Variants in GALNT11 observed in about 807,000 individuals in gnomAD.
GALNT11 encodes UDP-GalNAc:polypeptide N-acetylgalactosaminyltransferase 11.
Under a neutral mutation model 72.7 loss-of-function variants are expected in GALNT11, and 47 were observed. That is an observed-to-expected ratio of 0.65 (90% CI 0.51 to 0.82). The LOEUF is 0.82. Ranked by LOEUF, GALNT11 falls within the 40% of genes least tolerant of loss-of-function variation. The pLI is 0.00. For missense variants in GALNT11, 677 were observed against 778.4 expected, an observed-to-expected ratio of 0.87 and a Z score of 1.55; for synonymous variants, 270 against 286.6, an observed-to-expected ratio of 0.94 and a Z score of 0.58.
chr7:152,094,423 G>A lies in GALNT11; in HGVS notation c.196G>A (p.Val66Met). 1 of 1,614,164 alleles carries A rather than the reference G, an allele frequency of 6.2e-7. No homozygotes were observed. The highest frequency in any genetic ancestry group is 1.3e-5 in the African/African-American group (1 of 75,044). ...CCGTTTCACTCGAGGCCCAAGTCGA[G>A]TGCTCGAGCCACAGTTCAAAGCAAA... ...YPRFTRGPSR[V>M]LEPQFKANKI... Residue 66 changes from valine to methionine, a missense_variant, in exon 2 of 12, where the codon GTG becomes ATG. Coordinates refer to ENST00000430044, the MANE Select transcript of GALNT11 (RefSeq NM_022087.4). This position sits in a 1 kb window ranked among gnomAD's most constrained non-coding sequence, Gnocchi z 4.3.
intron 1 of GALNT11, among the ~76,000 whole-genome samples, chr7:152,086,508 C>T (rs1348480205): frequency 6.6e-6 from 1 of 152,126 alleles, no homozygotes; most frequent in African/African-American, 2.4e-5. Flanking sequence ...AAAAGAATAA[C>T]ATCTGCCTGA....
intron 1 of GALNT11, among the ~76,000 whole-genome samples, chr7:152,080,978 C>T (rs1337713167): frequency 6.6e-6 from 1 of 151,984 alleles, no homozygotes; most frequent in East Asian, 1.9e-4. Context: ...TTCAGAAAAA[C>T]CAAAAAACAA....
At position 152,086,773 on chromosome 7, in the gene GALNT11, G is replaced by GT. The variant is rs1487310255; in HGVS notation, c.-38-7416dup. Among the ~76,000 whole-genome samples, 7 of 152,312 alleles carry GT rather than the reference G, an allele frequency of 4.6e-5. No individual in the cohort carries two copies. In the East Asian group the frequency reaches 1.3e-3, roughly 29 times the overall value. ...TTATTTGTTGTTGTCAGTGAATTCT[G>GT]TAAGATTAGTCTGCCTGTTTTTATC... On this transcript the variant is annotated intron_variant, in intron 1 of 11. Transcript: ENST00000430044.
intron 3 of GALNT11, among the ~76,000 whole-genome samples, chr7:152,102,779 C>T (rs1056496908): frequency 1.3e-5 from 2 of 151,984 alleles, no homozygotes; most frequent in African/African-American, 4.8e-5. Flanking sequence ...GTCAGGAGTT[C>T]GAGACCAGCT....
intron 1 of GALNT11, among the ~76,000 whole-genome samples, chr7:152,047,251 A>G (rs1178088149): frequency 2.0e-5 from 3 of 152,094 alleles, no homozygotes; most frequent in Non-Finnish European, 4.4e-5. Context: ...CTGGGGGATC[A>G]TTTGAGGTCA....
intron 6 of GALNT11, 80 bp from the exon 7 acceptor site, chr7:152,110,448 G>T: frequency 1.1e-6 from 1 of 941,506 alleles, no homozygotes; most frequent in South Asian, 1.4e-5. Flanking sequence ...GTTCCAAAAT[G>T]ACACTGAGTA....
chr7:152,080,542 T>C (rs1417138954), intron 1 of GALNT11, among the ~76,000 whole-genome samples: 1 of 152,188 alleles, frequency 6.6e-6, no homozygotes, highest in African/African-American at 2.4e-5. Context: ...TGTAGAAAGA[T>C]GAAAATAAGT....
chr7:152,113,259 G>A lies in GALNT11; in HGVS notation c.1094G>A (p.Gly365Asp), dbSNP rs1032583365. Residue 365 changes from glycine to aspartate, a missense_variant, in exon 8 of 12, where the codon GGC becomes GAC. Physicochemically the swap from Gly to Asp is moderately conservative, Grantham distance 94. Transcript: ENST00000430044. ...LEISFRIWMCGGKLFIIPCSR... is the reference protein window; with the variant it reads ...LEISFRIWMCDGKLFIIPCSR... ...GCTTCTGGCCAGATCTGGATGTGTG[G>A]CGGTAAGCTCTTCATCATCCCTTGC... 10 of 1,613,146 alleles carry A rather than the reference G, an allele frequency of 6.2e-6. No individual in the cohort carries two copies. In the African/African-American group the frequency reaches 6.7e-5, roughly 11 times the overall value.
chr7:152,110,733 T>G (rs1183887530), intron 7 of GALNT11, 88 bp downstream of exon 7: 1 of 1,068,852 alleles, frequency 9.4e-7, no homozygotes, highest in East Asian at 2.5e-5. Context: ...ATATTCTCCT[T>G]GATTATTTTT....
rs1041629282 is a variant in GALNT11, at chr7:152,122,178, C to A, written c.*501C>A. 6.6e-6 allele frequency: 1 copy of A among 150,604 alleles called. No homozygotes were observed. The highest frequency in any genetic ancestry group is 2.4e-5 in the African/African-American group (1 of 40,914). The allele number at this position is 150,604 out of a possible 1,614,324, so 9.3% of individuals were successfully genotyped here. ...AGTGCTTTAAAAAAAAAAAAAACTT[C>A]TATTATTTGTTTAGTATGTTGTAAG... On this transcript the variant is annotated 3_prime_UTR_variant, in exon 12 of 12. Coordinates refer to ENST00000430044, the MANE Select transcript of GALNT11 (RefSeq NM_022087.4).
chr7:152,073,986 A>T (rs143423431), intron 1 of GALNT11, among the ~76,000 whole-genome samples: 1 of 151,734 alleles, frequency 6.6e-6, no homozygotes, highest in Admixed American at 6.6e-5. Context: ...CCATTTTTAA[A>T]TCTGATTTTT....
At chr7:152,050,254 A>G (rs2083330873) in intron 1 of GALNT11, among the ~76,000 whole-genome samples, 2 of 151,958 alleles carry the variant, frequency 1.3e-5, no homozygotes, top group African/African-American at 4.8e-5. Flanking sequence ...GTCTCACCCA[A>G]AGGTCCATGA....
Position 152,094,904 on chromosome 7 carries a change from G to A in GALNT11, c.295+382G>A, listed in dbSNP as rs567515309. 6.6e-6 allele frequency among the ~76,000 whole-genome samples: 1 copy of A among 152,330 alleles called. No homozygotes were observed. The highest frequency in any genetic ancestry group is 2.1e-4 in the South Asian group (1 of 4,832). ...CTGCCCTCCCACCTCAACCTTGAGAGTAGCTGGGACTATAGGCATGCACCA... is the reference window on the plus strand; with the variant it reads ...CTGCCCTCCCACCTCAACCTTGAGAATAGCTGGGACTATAGGCATGCACCA... On this transcript the variant is annotated intron_variant, in intron 2 of 11. Transcript: ENST00000430044. This position sits in a 1 kb window ranked among gnomAD's most constrained non-coding sequence, Gnocchi z 4.3.
intron 1 of GALNT11, among the ~76,000 whole-genome samples, chr7:152,093,791 A>G (rs2086196587): frequency 6.6e-6 from 1 of 152,214 alleles, no homozygotes; most frequent in African/African-American, 2.4e-5. Flanking sequence ...TTAAAAAAAG[A>G]ATCTTGCAGT....
Position 152,094,920 on chromosome 7 carries a change from G to A in GALNT11, c.295+398G>A, listed in dbSNP as rs1339844717. On this transcript the variant is annotated intron_variant, in intron 2 of 11. Coordinates refer to ENST00000430044, the MANE Select transcript of GALNT11 (RefSeq NM_022087.4). This position sits in a 1 kb window ranked among gnomAD's most constrained non-coding sequence, Gnocchi z 4.3. Reference sequence around the variant, plus strand: ...ACCTTGAGAGTAGCTGGGACTATAGGCATGCACCACTGTGCCCAGCCCTGG... The same window carrying A: ...ACCTTGAGAGTAGCTGGGACTATAGACATGCACCACTGTGCCCAGCCCTGG... Among the ~76,000 whole-genome samples the A allele has an allele frequency of 2.0e-5, 3 of 152,164 alleles. No homozygotes were observed. The highest frequency in any genetic ancestry group is 4.4e-5 in the Non-Finnish European group (3 of 68,028).
At chr7:152,082,234 C>G (rs1395561358) in intron 1 of GALNT11, among the ~76,000 whole-genome samples, 1 of 152,182 alleles carries the variant, frequency 6.6e-6, no homozygotes, top group Non-Finnish European at 1.5e-5. Flanking sequence ...AGCACTTGAA[C>G]ATTAATTTCC....
At chr7:152,054,503 CTTT>C (rs1037895401) in intron 1 of GALNT11, among the ~76,000 whole-genome samples, 3 of 72,084 alleles carry the variant, frequency 4.2e-5, no homozygotes, top group African/African-American at 1.0e-4. Flanking sequence ...TTTTTCTTGT[CTTT>C]TTTTTTTTTT....
intron 1 of GALNT11, chr7:152,075,005 G>C (rs1315637038): frequency 6.6e-6 from 1 of 152,190 alleles, no homozygotes; most frequent in African/African-American, 2.4e-5. Flanking sequence ...CCCCTCCCCT[G>C]CCAGAGGGAT....
chr7:152,090,823 A>C (rs2085975991), intron 1 of GALNT11, among the ~76,000 whole-genome samples: 1 of 152,026 alleles, frequency 6.6e-6, no homozygotes, highest in Non-Finnish European at 1.5e-5. Context: ...TTCTTTCCTC[A>C]GCACTTATCA....
Sources: gnomAD v4.1 joint callset for allele counts (sites outside exome capture counted in the v4.1 genomes callset) on GRCh38, gnomAD v4.1.1 for gene constraint, Gnocchi (gnomAD v3.1) non-coding constraint, MANE v1.5 for transcripts, NCBI Gene and HGNC (gene_info 2026-07-23, HGNC 2026-07-21) for gene names.